The following HDLBP variants were observed in gnomAD, a reference collection of about 807,000 sequenced individuals.
HDLBP encodes high density lipoprotein binding protein.
Under a neutral mutation model 137.3 loss-of-function variants are expected in HDLBP, and 30 were observed. That is an observed-to-expected ratio of 0.22 (90% CI 0.16 to 0.30). The LOEUF is 0.30. HDLBP is among the 10% of genes least tolerant of loss of function. The pLI, the probability that HDLBP is intolerant of heterozygous loss-of-function variation, is 1.00. For missense variants in HDLBP, 1,119 were observed against 1,667.3 expected (o/e 0.67, Z 5.73); for synonymous variants, 606 against 596.0 (o/e 1.02, Z -0.24).
At chr2:241,253,580 A>T in intron 9 of HDLBP, 83 bp from the exon 10 acceptor site, 1 of 919,896 alleles carries the variant, frequency 1.1e-6, no homozygotes, top group South Asian at 1.4e-5. Context: ...CTCTCTTCGG[A>T]GCGGCTTCTG....
intron 8 of HDLBP, 46 bp from the exon 9 acceptor site, chr2:241,255,204 G>A (rs371412315): frequency 1.0e-4 from 159 of 1,569,164 alleles, no homozygotes; most frequent in Middle Eastern, 1.7e-4. Context: ...GCTCAAGGTC[G>A]TGTCACAGTG....
chr2:241,230,031 CCCTGCACCTCG>C lies in HDLBP; in HGVS notation c.3592-81_3592-71del. The C allele has an allele frequency of 6.3e-7, 1 of 1,579,550 alleles. No individual in the cohort carries two copies. The highest frequency in any genetic ancestry group is 1.2e-5 in the South Asian group (1 of 86,118). ...CCCAGCATCCCGCCCGCCTGCTCAC[CCCTGCACCTCG>C]CCTGCCTCTGGAAACACAAGTGCCA... is the stretch of plus-strand genomic sequence containing the variant. On this transcript the variant is annotated intron_variant, in intron 26 of 27. Coordinates refer to ENST00000310931, the MANE Select transcript of HDLBP (RefSeq NM_005336.6). This position sits in a 1 kb window ranked among gnomAD's most constrained non-coding sequence, Gnocchi z 5.0.
chr2:241,276,558 CA>C (rs2074393589), intron 1 of HDLBP, among the ~76,000 whole-genome samples: 4 of 152,086 alleles, frequency 2.6e-5, no homozygotes, highest in African/African-American at 9.7e-5. Flanking sequence ...CCAACTCTAA[CA>C]GCAGCTATAG....
intron 1 of HDLBP, among the ~76,000 whole-genome samples, chr2:241,270,535 T>C (rs898740652): frequency 6.6e-6 from 1 of 152,250 alleles, no homozygotes; most frequent in Non-Finnish European, 1.5e-5. Context: ...GACCCACATG[T>C]AAATGCAGAC....
intron 1 of HDLBP, among the ~76,000 whole-genome samples, chr2:241,305,218 G>A (rs1014562585): frequency 1.3e-5 from 2 of 152,200 alleles, no homozygotes; most frequent in African/African-American, 2.4e-5. Flanking sequence ...CCAACTCCTG[G>A]GTTAAAGTTA....
chr2:241,264,597 G>C lies in HDLBP; in HGVS notation c.85C>G (p.Leu29Val), dbSNP rs541078735. 4.3e-6 allele frequency: 7 copies of C among 1,613,812 alleles called. No homozygotes were observed. In the South Asian group the frequency reaches 5.5e-5, roughly 13 times the overall value. Residue 29 changes from leucine (L) to valine (V), a missense_variant, in exon 4 of 28, where the codon CTA (leucine) becomes GTA (valine). By Grantham distance (32) the Leu-to-Val change is conservative (BLOSUM62 1). Coordinates refer to ENST00000310931, the MANE Select transcript of HDLBP (RefSeq NM_005336.6). ...LVPQQIKVAT[L>V]NSEEESDPPT... ...GGGTCGCTCTCCTCTTCTGAATTTA[G>C]AGTGGCAACTGGACCAGCCAACACA...
intron 1 of HDLBP, 76 bp downstream of exon 1, chr2:241,315,494 T>G (rs1165942605): frequency 6.6e-6 from 1 of 152,646 alleles, no homozygotes; most frequent in Non-Finnish European, 1.5e-5. Flanking sequence ...TCCTCCTCAG[T>G]GGGCACTTGT....
chr2:241,307,834 A>G (rs562837912), intron 1 of HDLBP, among the ~76,000 whole-genome samples: 1 of 152,044 alleles, frequency 6.6e-6, no homozygotes, highest in East Asian at 1.9e-4. Context: ...TGGAGTAAAC[A>G]TACCTTAATA....
chr2:241,263,474 T>C (rs2073369198), intron 4 of HDLBP, among the ~76,000 whole-genome samples: 2 of 151,858 alleles, frequency 1.3e-5, no homozygotes, highest in Admixed American at 6.6e-5. Flanking sequence ...GGAGAAGAAC[T>C]GAGGAGGGAC....
intron 5 of HDLBP, among the ~76,000 whole-genome samples, chr2:241,257,107 T>C (rs1291503770): frequency 6.6e-6 from 1 of 151,708 alleles, no homozygotes; most frequent in Non-Finnish European, 1.5e-5. Context: ...CATGACTGCA[T>C]ATCCAGAAAC....
chr2:241,274,882 CGGG>C (rs1295120797), intron 1 of HDLBP, among the ~76,000 whole-genome samples: 2 of 151,990 alleles, frequency 1.3e-5, no homozygotes, highest in African/African-American at 4.8e-5. Context: ...CTCAAAGGGA[CGGG>C]GGAGAAGTTT....
chr2:241,286,355 G>A (rs984562739), intron 1 of HDLBP, among the ~76,000 whole-genome samples: 4 of 152,192 alleles, frequency 2.6e-5, no homozygotes, highest in Non-Finnish European at 4.4e-5. Context: ...TAGGGCCAAC[G>A]TGCTTCCCAT....
chr2:241,285,914 C>G (rs1210226795), intron 1 of HDLBP, among the ~76,000 whole-genome samples: 2 of 152,178 alleles, frequency 1.3e-5, no homozygotes, highest in Non-Finnish European at 2.9e-5. Context: ...ATCCTAGTTA[C>G]TCAGGAGACT....
rs770924615 is a variant in HDLBP at position 241,229,706 on chromosome 2, C to T, written c.3721-19G>A. 1.3e-5 allele frequency: 21 copies of T among 1,613,072 alleles called. No individual in the cohort carries two copies. Among genetic ancestry groups the T allele is most frequent in the Non-Finnish European group, 1.4e-5 (17 of 1,179,094 alleles). ...CAGGAGCCTGTGCAGAGAGAGGACACGGCTTCAGGAGGGGATGCTCCCCAA... is the reference window on the plus strand; with the variant it reads ...CAGGAGCCTGTGCAGAGAGAGGACATGGCTTCAGGAGGGGATGCTCCCCAA... On this transcript the variant is annotated intron_variant, in intron 27 of 27. Coordinates refer to ENST00000310931, the MANE Select transcript of HDLBP (RefSeq NM_005336.6).
intron 1 of HDLBP, among the ~76,000 whole-genome samples, chr2:241,278,266 G>A (rs76357086): frequency 0.011 from 1,651 of 152,264 alleles, 38 homozygotes; most frequent in African/African-American, 0.037. Flanking sequence ...AGCATGAGGG[G>A]CAAAGATAAT....
chr2:241,266,507 A>C (rs2073685487), intron 3 of HDLBP: 1 of 382,248 alleles, frequency 2.6e-6, no homozygotes, highest in African/African-American at 2.0e-5. Flanking sequence ...ATTAGGAAAA[A>C]GCAGTTTTGA....
intron 1 of HDLBP, among the ~76,000 whole-genome samples, chr2:241,301,148 T>G (rs1391746126): frequency 2.7e-5 from 4 of 150,440 alleles, no homozygotes; most frequent in African/African-American, 9.7e-5. Context: ...GGCTAATTTT[T>G]TTTTTTTTTT....
chr2:241,277,480 G>A (rs536353419), intron 1 of HDLBP, among the ~76,000 whole-genome samples: 1 of 152,270 alleles, frequency 6.6e-6, no homozygotes, highest in South Asian at 2.1e-4. Flanking sequence ...AGAATTAAAA[G>A]GGGGTCAAAA....
At chr2:241,256,859 A>G in intron 5 of HDLBP, 53 bp from the exon 6 acceptor site, 4 of 1,500,260 alleles carry the variant, frequency 2.7e-6, no homozygotes, top group Non-Finnish European at 3.7e-6. Context: ...GTTCTGAAGG[A>G]GCATATTTTT....
Sources: gnomAD v4.1 joint callset for allele counts (sites outside exome capture counted in the v4.1 genomes callset) on GRCh38, gnomAD v4.1.1 for gene constraint, Gnocchi (gnomAD v3.1) non-coding constraint, MANE v1.5 for transcripts, NCBI Gene and HGNC (gene_info 2026-07-23, HGNC 2026-07-21) for gene names.